Variants in PTPRT observed in about 807,000 individuals in gnomAD.
PTPRT encodes protein tyrosine phosphatase receptor type T.
In PTPRT, 56 loss-of-function variants were observed where a neutral mutation model predicts 176.8. The observed-to-expected ratio is 0.32, with a 90% confidence interval of 0.26 to 0.40. PTPRT has a LOEUF of 0.40. Among genes scored for constraint, PTPRT ranks in the 10% least tolerant of loss-of-function variants. The pLI, the probability that PTPRT is intolerant of heterozygous loss-of-function variation, is 1.00. For synonymous variants in PTPRT, 783 were observed against 739.0 expected (o/e 1.06, Z -0.96); for missense variants, 1,540 against 1,908.2 (o/e 0.81, Z 3.60).
intron 1 of PTPRT, among the ~76,000 whole-genome samples, chr20:43,033,484 G>A (rs1243868416): frequency 6.6e-6 from 1 of 152,060 alleles, no homozygotes; most frequent in Non-Finnish European, 1.5e-5. Context: ...ACACCAAACT[G>A]CCCTGTCATC....
At chr20:42,905,833 C>T (rs996413580) in intron 1 of PTPRT, among the ~76,000 whole-genome samples, 1 of 151,194 alleles carries the variant, frequency 6.6e-6, no homozygotes, top group African/African-American at 2.4e-5. Flanking sequence ...AACCAAACAC[C>T]GCATACTCTC....
intron 6 of PTPRT, among the ~76,000 whole-genome samples, chr20:42,734,037 G>C (rs79929230): frequency 6.6e-6 from 1 of 152,216 alleles, no homozygotes; most frequent in Non-Finnish European, 1.5e-5. Flanking sequence ...TAGGGGCCCT[G>C]AAACGCTGTG....
At chr20:42,974,552 T>C (rs964177390) in intron 1 of PTPRT, among the ~76,000 whole-genome samples, 2 of 152,162 alleles carry the variant, frequency 1.3e-5, no homozygotes, top group African/African-American at 4.8e-5. Flanking sequence ...TCTTTCACTC[T>C]ACACTGACTC....
intron 27 of PTPRT, among the ~76,000 whole-genome samples, chr20:42,091,804 AG>A (rs761408730): frequency 6.7e-6 from 1 of 149,954 alleles, no homozygotes; most frequent in African/African-American, 2.5e-5. Flanking sequence ...AGGGAGAGAG[AG>A]GGGGGAGAGA....
chr20:42,404,964 C>A (rs1600967821), intron 9 of PTPRT, among the ~76,000 whole-genome samples: 4 of 23,476 alleles, frequency 1.7e-4, no homozygotes, highest in East Asian at 8.8e-4. Context: ...GAATAGAGGG[C>A]CAATTAATTA....
intron 2 of PTPRT, among the ~76,000 whole-genome samples, chr20:42,806,437 T>C (rs1029951090): frequency 6.7e-6 from 1 of 148,246 alleles, no homozygotes; most frequent in Admixed American, 6.8e-5. Flanking sequence ...TGAGCCAAGA[T>C]TGAGCCACTG....
At chr20:42,904,353 CAGGTGGT>C (rs2079447002) in intron 1 of PTPRT, among the ~76,000 whole-genome samples, 1 of 152,184 alleles carries the variant, frequency 6.6e-6, no homozygotes, top group Non-Finnish European at 1.5e-5. Context: ...ACACCACAGG[CAGGTGGT>C]CTTGAAGATT....
chr20:42,788,172 C>T (rs148952372), intron 3 of PTPRT, among the ~76,000 whole-genome samples: 4 of 152,108 alleles, frequency 2.6e-5, no homozygotes, highest in South Asian at 2.1e-4. Context: ...TAGGTTCCTG[C>T]TGTTGTAAAG....
chr20:42,985,681 T>C (rs1414692066), intron 1 of PTPRT, among the ~76,000 whole-genome samples: 1 of 151,986 alleles, frequency 6.6e-6, no homozygotes, highest in African/African-American at 2.4e-5. Flanking sequence ...AGGTGGTAAA[T>C]ACTACAGAGA....
At chr20:42,902,084 C>T (rs926288270) in intron 1 of PTPRT, among the ~76,000 whole-genome samples, 1 of 152,150 alleles carries the variant, frequency 6.6e-6, no homozygotes, top group South Asian at 2.1e-4. Flanking sequence ...CCAGGGCATG[C>T]AGGAAACCAG....
intron 1 of PTPRT, among the ~76,000 whole-genome samples, chr20:43,050,067 G>A (rs1182151071): frequency 6.6e-6 from 1 of 152,234 alleles, no homozygotes; most frequent in African/African-American, 2.4e-5. Flanking sequence ...CAGTGGGAGT[G>A]CTGGGTGGCT....
chr20:42,346,878 G>A lies in PTPRT; in HGVS notation c.1865+3750C>T, dbSNP rs2058202424. Among the ~76,000 whole-genome samples, 5 of 152,158 alleles carry A rather than the reference G, an allele frequency of 3.3e-5. No homozygotes were observed. The South Asian group carries it at 6.2e-4, about 19-fold the overall frequency. On this transcript the variant is annotated intron_variant, in intron 11 of 30. Coordinates refer to ENST00000373187, the MANE Select transcript of PTPRT (RefSeq NM_007050.6). Reference sequence around the variant, plus strand: ...CACTGAAGCTCACAAGTGATAGACCGGGCTCACACAAGGCAGAGTTGGAGG... The same window carrying A: ...CACTGAAGCTCACAAGTGATAGACCAGGCTCACACAAGGCAGAGTTGGAGG...
chr20:42,224,932 G>T (rs2055971101), intron 15 of PTPRT, among the ~76,000 whole-genome samples: 1 of 152,126 alleles, frequency 6.6e-6, no homozygotes, highest in South Asian at 2.1e-4. Context: ...CTTATATTTG[G>T]AAATGGCCAT....
chr20:43,101,952 G>A (rs1200078663), intron 1 of PTPRT, among the ~76,000 whole-genome samples: 3 of 152,216 alleles, frequency 2.0e-5, no homozygotes, highest in African/African-American at 7.2e-5. Context: ...TCTGGAGGCT[G>A]GGAAGTCCAA....
At chr20:43,098,515 C>T (rs1028203372) in intron 1 of PTPRT, among the ~76,000 whole-genome samples, 1 of 151,888 alleles carries the variant, frequency 6.6e-6, no homozygotes, top group Non-Finnish European at 1.5e-5. Flanking sequence ...ATAAGCCAGC[C>T]CTCTCTTCAA....
At chr20:42,696,038 G>A (rs1440907921) in intron 6 of PTPRT, among the ~76,000 whole-genome samples, 4 of 152,054 alleles carry the variant, frequency 2.6e-5, no homozygotes, top group Non-Finnish European at 4.4e-5. Context: ...CAGCAAAAGC[G>A]ATGTGATAAT....
intron 1 of PTPRT, among the ~76,000 whole-genome samples, chr20:42,994,951 G>A (rs1984142525): frequency 6.6e-6 from 1 of 152,202 alleles, no homozygotes; most frequent in Admixed American, 6.5e-5. Flanking sequence ...GGAATAAACT[G>A]TTATTGTATA....
At chr20:42,612,512 T>G (rs993243477) in intron 7 of PTPRT, among the ~76,000 whole-genome samples, 2 of 152,074 alleles carry the variant, frequency 1.3e-5, no homozygotes, top group African/African-American at 4.8e-5. Flanking sequence ...CATTTCTGAA[T>G]GCATTTCTGT....
chr20:42,944,039 TAAATAAAC>T lies in PTPRT; in HGVS notation c.89-58115_89-58108del, dbSNP rs370909790. On this transcript the variant is annotated intron_variant, in intron 1 of 30. Transcript: ENST00000373187. Reference sequence around the variant, plus strand: ...GTATCAAAAAATAAAAATAAATAAATAAATAAACAAACAAACAAACAAACCTCCTTGAA... The same window carrying T: ...GTATCAAAAAATAAAAATAAATAAATAAACAAACAAACAAACCTCCTTGAA... Among the ~76,000 whole-genome samples, 492 of 151,688 alleles carry T rather than the reference TAAATAAAC, an allele frequency of 3.2e-3. 3 individuals are homozygous for T. The highest frequency in any genetic ancestry group is 4.3e-3 in the Non-Finnish European group (293 of 67,888).
Sources: allele counts gnomAD v4.1 joint callset (sites outside exome capture counted in the v4.1 genomes callset), GRCh38; gene constraint gnomAD v4.1.1; transcripts MANE v1.5; gene names NCBI Gene and HGNC (gene_info 2026-07-23, HGNC 2026-07-21).